NRXN3: variants seen among roughly 807,000 people sequenced by gnomAD.
NRXN3 encodes the protein neurexin III.
Under a neutral mutation model 137.6 loss-of-function variants are expected in NRXN3, and 32 were observed. The observed-to-expected ratio is 0.23, with a 90% CI of 0.18 to 0.31. The LOEUF (loss-of-function observed/expected upper bound fraction) is 0.31. NRXN3 is among the 10% of genes least tolerant of loss of function. The probability of loss-of-function intolerance (pLI) is 1.00; values close to 1 mark genes in which losing one functional copy is unlikely to be tolerated. For synonymous variants in NRXN3, 798 were observed against 784.5 expected (o/e 1.02, Z -0.29); for missense variants, 1,574 against 2,062.5 (o/e 0.76, Z 4.59).
chr14:78,860,720 A>G (rs2099070131), intron 10 of NRXN3, among the ~76,000 whole-genome samples: 2 of 152,132 alleles, frequency 1.3e-5, no homozygotes, highest in Non-Finnish European at 2.9e-5. Context: ...GAAAGAGAAA[A>G]TATATTTACT....
intron 16 of NRXN3, among the ~76,000 whole-genome samples, chr14:79,561,058 G>A (rs1025703787): frequency 5.9e-5 from 9 of 152,110 alleles, no homozygotes; most frequent in African/African-American, 2.2e-4. Context: ...GCCACCATCC[G>A]GCTGGTAATT....
chr14:79,054,279 A>G lies in NRXN3; in HGVS notation c.3262+66138A>G, dbSNP rs1050552761. On this transcript the variant is annotated intron_variant, in intron 15 of 20. Coordinates refer to ENST00000335750, the MANE Select transcript of NRXN3 (RefSeq NM_001330195.2). ...TACATATGTAAGAAACCTGCACGTTATGCACATGTACCCTAAAACTTAAAG... is the reference window on the plus strand; with the variant it reads ...TACATATGTAAGAAACCTGCACGTTGTGCACATGTACCCTAAAACTTAAAG... 1.1e-4 allele frequency among the ~76,000 whole-genome samples: 16 copies of G among 152,152 alleles called. 1 individual carries two copies. Among genetic ancestry groups the G allele is most frequent in the African/African-American group, 2.9e-4 (12 of 41,522 alleles).
At chr14:79,223,852 G>A (rs1050451142) in intron 15 of NRXN3, among the ~76,000 whole-genome samples, 2 of 152,064 alleles carry the variant, frequency 1.3e-5, no homozygotes, top group African/African-American at 4.8e-5. Flanking sequence ...TGAACTTTTT[G>A]TATGACTGGT....
At chr14:78,525,340 G>A in intron 4 of NRXN3, among the ~76,000 whole-genome samples, 1 of 152,124 alleles carries the variant, frequency 6.6e-6, no homozygotes, top group East Asian at 1.9e-4. Flanking sequence ...TAGGATACAG[G>A]GAATCATGAA....
chr14:78,796,457 A>T (rs918889), intron 8 of NRXN3, among the ~76,000 whole-genome samples: 125,694 of 152,170 alleles, frequency 0.83, 53,635 homozygotes, highest in Non-Finnish European at 0.94. Flanking sequence ...AAGTTAGAGA[A>T]GTTCATGGCT....
intron 1 of NRXN3, among the ~76,000 whole-genome samples, chr14:78,180,829 G>T (rs753889341): frequency 6.6e-6 from 1 of 152,168 alleles, no homozygotes; most frequent in Admixed American, 6.5e-5. Context: ...GTGGAGAAAA[G>T]CCTGTTTTGG....
At chr14:78,833,120 T>C (rs1445172832) in intron 10 of NRXN3, among the ~76,000 whole-genome samples, 1 of 152,208 alleles carries the variant, frequency 6.6e-6, no homozygotes, top group African/African-American at 2.4e-5. Context: ...GTGCCTTTGC[T>C]TGTCTCTCCC....
intron 20 of NRXN3, among the ~76,000 whole-genome samples, chr14:79,842,712 T>C (rs1330682548): frequency 6.6e-6 from 1 of 152,196 alleles, no homozygotes; most frequent in Non-Finnish European, 1.5e-5. Context: ...TTAACATATC[T>C]ATCATCTCAC....
At chr14:78,283,659 C>T (rs986616792) in intron 3 of NRXN3, among the ~76,000 whole-genome samples, 4 of 152,082 alleles carry the variant, frequency 2.6e-5, no homozygotes, top group Admixed American at 2.6e-4. Context: ...CAGGTGTGTG[C>T]CACCACGCCC....
intron 15 of NRXN3, among the ~76,000 whole-genome samples, chr14:79,444,648 G>A (rs2096025865): frequency 6.6e-6 from 1 of 152,104 alleles, no homozygotes; most frequent in Non-Finnish European, 1.5e-5. Flanking sequence ...AATATAGTGA[G>A]AACCCATCAC....
At chr14:78,716,558 G>GT (rs1279614165) in intron 8 of NRXN3, among the ~76,000 whole-genome samples, 1 of 152,152 alleles carries the variant, frequency 6.6e-6, no homozygotes, top group Non-Finnish European at 1.5e-5. Context: ...ACAGAAGAAC[G>GT]TTTTGAGGAG....
At chr14:78,711,096 A>T (rs141515186) in intron 7 of NRXN3, among the ~76,000 whole-genome samples, 7 of 152,120 alleles carry the variant, frequency 4.6e-5, no homozygotes, top group Non-Finnish European at 1.0e-4. Flanking sequence ...GCTGTTCCAG[A>T]ATTATAAAGA....
In NRXN3 at chr14:79,565,274, T is replaced by TATACATATAC. The variant is rs1567519871; in HGVS notation, c.3444+97872_3444+97873insATACATATAC. Among the ~76,000 whole-genome samples the TATACATATAC allele has an allele frequency of 2.0e-4, 28 of 137,890 alleles. 1 individual carries two copies. In the East Asian group the frequency reaches 2.2e-3, roughly 11 times the overall value. 90.5% of individuals were successfully genotyped at this position (137,890 alleles called of 152,430 possible). Reference sequence around the variant, plus strand: ...ATATATACATATACACATGTGTGTGTGTATACATATACGCACACATGTGTA... The same window carrying TATACATATAC: ...ATATATACATATACACATGTGTGTGTATACATATACGTATACATATACGCACACATGTGTA... On this transcript the variant is annotated intron_variant, in intron 16 of 20. Transcript: ENST00000335750.
chr14:79,659,154 A>T (rs2098520634), intron 16 of NRXN3, among the ~76,000 whole-genome samples: 1 of 151,422 alleles, frequency 6.6e-6, no homozygotes, highest in Non-Finnish European at 1.5e-5. Flanking sequence ...AGAGTGACTT[A>T]CTGGCTATTT....
chr14:78,171,545 T>G (rs1217681995), intron 1 of NRXN3, among the ~76,000 whole-genome samples: 1 of 152,078 alleles, frequency 6.6e-6, no homozygotes, highest in African/African-American at 2.4e-5. Flanking sequence ...TTCCAGGCAT[T>G]GTGCTGTACC....
At chr14:79,126,926 T>A (rs1417920217) in intron 15 of NRXN3, among the ~76,000 whole-genome samples, 1 of 152,232 alleles carries the variant, frequency 6.6e-6, no homozygotes. Flanking sequence ...TGTTGGCCAG[T>A]GATGGTGAGC....
At chr14:78,808,180 A>G (rs1204523525) in intron 9 of NRXN3, among the ~76,000 whole-genome samples, 1 of 152,168 alleles carries the variant, frequency 6.6e-6, no homozygotes, top group East Asian at 1.9e-4. Flanking sequence ...AATTCTTCAC[A>G]TATTGAGGTA....
rs1238708758 is a variant in NRXN3 at position 78,192,045 on chromosome 14, G to T, written c.-704+21371G>T. 2.0e-5 allele frequency among the ~76,000 whole-genome samples: 3 copies of T among 150,510 alleles called. No individual in the cohort carries two copies. The East Asian group carries it at 5.9e-4, about 30-fold the overall frequency. ...TTGGAGAGATCTGAGCTATATCCCT[G>T]CCCCCTTTGGCTGCCCGAAAGTGTG... On this transcript the variant is annotated intron_variant, in intron 1 of 20. Transcript: ENST00000335750.
intron 4 of NRXN3, among the ~76,000 whole-genome samples, chr14:78,565,920 C>T (rs780206398): frequency 2.3e-4 from 35 of 152,136 alleles, no homozygotes; most frequent in African/African-American, 8.0e-4. Context: ...TCAGAGAAGA[C>T]GGGAGGTGAA....
Sources: gnomAD v4.1 joint callset for allele counts (sites outside exome capture counted in the v4.1 genomes callset) on GRCh38, gnomAD v4.1.1 for gene constraint, MANE v1.5 for transcripts, NCBI Gene and HGNC (gene_info 2026-07-23, HGNC 2026-07-21) for gene names.